The following PIAS2 variants were observed in gnomAD, a reference collection of about 807,000 sequenced individuals.
PIAS2 encodes the protein E3 SUMO-protein ligase PIAS2.
In PIAS2, 19 loss-of-function variants were observed where a neutral mutation model predicts 69.7. The ratio of observed to expected loss-of-function variants is 0.27; its 90% CI spans 0.19 to 0.40. PIAS2 has a LOEUF of 0.40. Among genes scored for constraint, PIAS2 ranks in the 10% least tolerant of loss-of-function variants. The pLI, the probability that PIAS2 is intolerant of heterozygous loss-of-function variation, is 1.00. For missense variants in PIAS2, 624 were observed against 757.0 expected (o/e 0.82, Z 2.06); for synonymous variants, 261 against 263.2 (o/e 0.99, Z 0.08).
At chr18:46,872,003 A>G (rs2050426985) in intron 2 of PIAS2, among the ~76,000 whole-genome samples, 1 of 152,226 alleles carries the variant, frequency 6.6e-6, no homozygotes, top group Non-Finnish European at 1.5e-5. Context: ...ATACATATGA[A>G]GTTAAAACCC....
At chr18:46,846,886 A>T (rs113371808) in intron 5 of PIAS2, 45 bp from the exon 6 acceptor site, 1 of 1,502,200 alleles carries the variant, frequency 6.7e-7, no homozygotes, top group Non-Finnish European at 8.9e-7. Flanking sequence ...ATCTGCAGGA[A>T]GATTAAACAT....
In PIAS2 at chr18:46,805,021, A is replaced by C. The variant is rs1434306496; in HGVS notation, c.*7412T>G. On this transcript the variant is annotated 3_prime_UTR_variant, in exon 14 of 14. Coordinates refer to ENST00000585916, the MANE Select transcript of PIAS2 (RefSeq NM_004671.5). ...GCCTACCTCATTCTCTGAAACTGGA[A>C]ACAAAAAAGGATGGAGGTGGTCATA... 6.6e-6 allele frequency: 1 copy of C among 152,276 alleles called. No individual in the cohort carries two copies. Among genetic ancestry groups the C allele is most frequent in the Non-Finnish European group, 1.5e-5 (1 of 68,074 alleles). 9.4% of individuals were successfully genotyped at this position (152,276 alleles called of 1,614,324 possible).
chr18:46,881,008 T>G (rs902920565), intron 2 of PIAS2, among the ~76,000 whole-genome samples: 9 of 152,222 alleles, frequency 5.9e-5, no homozygotes, highest in Non-Finnish European at 1.3e-4. Context: ...AGGTGATTTA[T>G]CTATACAGAA....
rs978866399 is a variant in PIAS2 at position 46,917,375 on chromosome 18, T to C, written c.-30A>G. 5 of 1,449,920 alleles carry C rather than the reference T, an allele frequency of 3.4e-6. No homozygotes were observed. Among genetic ancestry groups the C allele is most frequent in the African/African-American group, 1.5e-5 (1 of 66,578 alleles). The allele number at this position is 1,449,920 out of a possible 1,614,324, so 89.8% of individuals were successfully genotyped here. A position where few individuals can be genotyped will look rare whatever the true frequency, so the allele number is the denominator to read the frequency against. The stretch of plus-strand genomic sequence containing the variant: ...TACCACCCGCGGGCGCCGCCGCCGC[T>C]GCCGCCGCACCCACTCCCGCTGCCG... On this transcript the variant is annotated 5_prime_UTR_variant, in exon 1 of 14. Transcript: ENST00000585916.
chr18:46,870,401 G>C (rs538293174), intron 2 of PIAS2, among the ~76,000 whole-genome samples: 3 of 152,022 alleles, frequency 2.0e-5, no homozygotes, highest in African/African-American at 7.2e-5. Flanking sequence ...GGATCACAAC[G>C]TCAGGAGATT....
At chr18:46,916,628 T>A (rs1043028440) in intron 1 of PIAS2, among the ~76,000 whole-genome samples, 1 of 152,172 alleles carries the variant, frequency 6.6e-6, no homozygotes. Flanking sequence ...GTTTTAAGAC[T>A]GAGAAGAAAA....
At chr18:46,845,210 A>G (rs11875918) in intron 6 of PIAS2, among the ~76,000 whole-genome samples, 7,110 of 152,272 alleles carry the variant, frequency 0.047, 194 homozygotes, top group Non-Finnish European at 0.065. Flanking sequence ...TTCTGCTTTT[A>G]TCGACTTTAT....
At chr18:46,873,418 ATGGCCCCTCTAGGGTAAT>A (rs1043713317) in intron 2 of PIAS2, among the ~76,000 whole-genome samples, 14 of 152,210 alleles carry the variant, frequency 9.2e-5, no homozygotes, top group African/African-American at 3.4e-4. Flanking sequence ...CTATTCATAG[ATGGCCCCTCTAGGGTAAT>A]TGGGGGAAAA....
In PIAS2 at chr18:46,810,513, G is replaced by A. The variant is rs2040929529; in HGVS notation, c.*1920C>T. The A allele has an allele frequency of 6.6e-6, 1 of 152,060 alleles. No homozygotes were observed. The highest frequency in any genetic ancestry group is 2.4e-5 in the African/African-American group (1 of 41,412). The allele number at this position is 152,060 out of a possible 1,614,324, so 9.4% of individuals were successfully genotyped here. On this transcript the variant is annotated 3_prime_UTR_variant, in exon 14 of 14. Transcript: ENST00000585916. ...GGACCAAAAAACTGCAACATGGTTT[G>A]GAAATCTAATGACTAAGAAGGTAAA... is the stretch of plus-strand genomic sequence containing the variant.
At chr18:46,845,837 T>A (rs951065287) in intron 6 of PIAS2, among the ~76,000 whole-genome samples, 4 of 152,184 alleles carry the variant, frequency 2.6e-5, no homozygotes, top group Non-Finnish European at 4.4e-5. Context: ...CCCCATTACA[T>A]GGCAAAAGTT....
chr18:46,824,039 T>C (rs1386735811), intron 11 of PIAS2, among the ~76,000 whole-genome samples: 1 of 152,212 alleles, frequency 6.6e-6, no homozygotes, highest in Non-Finnish European at 1.5e-5. Flanking sequence ...CTTCATAGGA[T>C]TGGTAAACAC....
chr18:46,877,874 G>A (rs1437097521), intron 2 of PIAS2, among the ~76,000 whole-genome samples: 41 of 152,104 alleles, frequency 2.7e-4, no homozygotes, highest in Admixed American at 2.7e-3. Context: ...TTTCTAACAA[G>A]CATAATAAAA....
chr18:46,807,367 ATATATATATATATATATTTTTTTT>A lies in PIAS2; in HGVS notation c.*5042_*5065del, dbSNP rs1360404849. 19 of 23,674 alleles carry A rather than the reference ATATATATATATATATATTTTTTTT, an allele frequency of 8.0e-4. 5 individuals carry two copies. The highest frequency in any genetic ancestry group is 1.3e-3 in the African/African-American group (4 of 3,000). The allele number at this position is 23,674 out of a possible 1,614,324, so 1.5% of individuals were successfully genotyped here. On this transcript the variant is annotated 3_prime_UTR_variant, in exon 14 of 14. Coordinates refer to ENST00000585916, the MANE Select transcript of PIAS2 (RefSeq NM_004671.5). ...AACATGTCAGATTTTATATATATAT[ATATATATATATATATATTTTTTTT>A]TTTTTTTTTTTTTTTTTTTAGAGAG...
rs1020530768 is a variant in PIAS2, at chr18:46,917,486, G to C, written c.-141C>G. The C allele has an allele frequency of 8.3e-7, 1 of 1,202,654 alleles. No individual in the cohort carries two copies. Among genetic ancestry groups the C allele is most frequent in the Non-Finnish European group, 1.0e-6 (1 of 965,276 alleles). The allele number at this position is 1,202,654 out of a possible 1,614,324, so 74.5% of individuals were successfully genotyped here. A position where few individuals can be genotyped will look rare whatever the true frequency, so the allele number is the denominator to read the frequency against. On this transcript the variant is annotated 5_prime_UTR_variant, in exon 1 of 14. Coordinates refer to ENST00000585916, the MANE Select transcript of PIAS2 (RefSeq NM_004671.5). Reference sequence around the variant, plus strand: ...CGCTTAAGACGCCGCGGCCGCCGCCGCTACAGCCGGGCCCGTCACGTGAAC... The same window carrying C: ...CGCTTAAGACGCCGCGGCCGCCGCCCCTACAGCCGGGCCCGTCACGTGAAC...
At chr18:46,858,608 G>T (rs1230274979) in intron 3 of PIAS2, among the ~76,000 whole-genome samples, 1 of 152,132 alleles carries the variant, frequency 6.6e-6, no homozygotes, top group Non-Finnish European at 1.5e-5. Context: ...AAGGTGGGAG[G>T]ATCAATTGAG....
At position 46,827,471 on chromosome 18, in the gene PIAS2, T is replaced by C. The variant is rs2042987780; in HGVS notation, c.1508+488A>G. On this transcript the variant is annotated intron_variant, in intron 11 of 13. Coordinates refer to ENST00000585916, the MANE Select transcript of PIAS2 (RefSeq NM_004671.5). ...CCACATGCCTGACACCGAGGCTTTCTTTCATCTCATTAAAACCTGAAAATG... is the reference window on the plus strand; with the variant it reads ...CCACATGCCTGACACCGAGGCTTTCCTTCATCTCATTAAAACCTGAAAATG... 3.3e-5 allele frequency: 5 copies of C among 152,336 alleles called. No homozygotes were observed. The South Asian group carries it at 1.0e-3, about 31-fold the overall frequency. 9.4% of individuals were successfully genotyped at this position (152,336 alleles called of 1,614,324 possible).
intron 8 of PIAS2, among the ~76,000 whole-genome samples, chr18:46,839,162 G>C (rs192901638): frequency 6.6e-6 from 1 of 152,166 alleles, no homozygotes; most frequent in African/African-American, 2.4e-5. Flanking sequence ...CACAATCACT[G>C]TGTGGAAACA....
At chr18:46,908,239 T>C (rs1411666744) in intron 1 of PIAS2, among the ~76,000 whole-genome samples, 1 of 152,122 alleles carries the variant, frequency 6.6e-6, no homozygotes, top group African/African-American at 2.4e-5. Flanking sequence ...CCTCCCAAAG[T>C]GATGGGATTA....
Position 46,844,115 on chromosome 18 carries a change from A to G in PIAS2, c.980T>C (p.Leu327Pro). The change falls in exon 8 of 14, where the codon CTT becomes CCT. Residue 327 changes from leucine (L) to proline (P), a missense_variant. Coordinates refer to ENST00000585916, the MANE Select transcript of PIAS2 (RefSeq NM_004671.5). Reference sequence around the variant, plus strand: ...AATTTCACTATCAGGATCTGCAGTAAGTTTTTCTTTAACTTTAAAAAGAAG... The same window carrying G: ...AATTTCACTATCAGGATCTGCAGTAGGTTTTTCTTTAACTTTAAAAAGAAG... ...DHSRALIKEKLTADPDSEIAT... is the reference protein window; with the variant it reads ...DHSRALIKEKPTADPDSEIAT... The G allele has an allele frequency of 6.7e-7, 1 of 1,489,772 alleles. No individual in the cohort carries two copies. The highest frequency in any genetic ancestry group is 8.9e-7 in the Non-Finnish European group (1 of 1,117,702). The allele number at this position is 1,489,772 out of a possible 1,614,324, so 92.3% of individuals were successfully genotyped here.
Sources: allele counts gnomAD v4.1 joint callset (sites outside exome capture counted in the v4.1 genomes callset), GRCh38; gene constraint gnomAD v4.1.1; transcripts MANE v1.5; gene names NCBI Gene and HGNC (gene_info 2026-07-23, HGNC 2026-07-21).